The following GABRG3 variants were observed in gnomAD, a reference collection of about 807,000 sequenced individuals.
The protein encoded by GABRG3 is gamma-aminobutyric acid type A receptor subunit gamma3, also known as gamma-aminobutyric acid receptor subunit gamma-3.
GABRG3 carries 25 observed loss-of-function variants against 48.8 expected under a neutral mutation model. The ratio of observed to expected loss-of-function variants is 0.51; its 90% CI spans 0.37 to 0.72. The LOEUF is 0.72. Ranked by LOEUF, GABRG3 falls within the 30% of genes least tolerant of loss-of-function variation. GABRG3 has a pLI of 0.00. For missense variants in GABRG3, 394 were observed against 577.9 expected (o/e 0.68, Z 3.26); for synonymous variants, 227 against 217.6 (o/e 1.04, Z -0.38).
At chr15:27,511,510 G>A (rs1162400307) in intron 6 of GABRG3, among the ~76,000 whole-genome samples, 1 of 152,190 alleles carries the variant, frequency 6.6e-6, no homozygotes, top group Admixed American at 6.5e-5. Flanking sequence ...ACCTACCCCT[G>A]TAGCTTATAA....
In GABRG3 at chr15:27,265,881, G is replaced by GTTTTTTTT. The variant is rs147459440; in HGVS notation, c.271-60928_271-60927insTTTTTTTT. On this transcript the variant is annotated intron_variant, in intron 3 of 9. Coordinates refer to ENST00000615808, the MANE Select transcript of GABRG3 (RefSeq NM_033223.5). ...TGCAAGGTCAAGAAGATTTTCTCCT[G>GTTTTTTTT]GTTTTTTTTTTTTTTTGAGAGTGAC... Among the ~76,000 whole-genome samples the GTTTTTTTT allele has an allele frequency of 2.0e-4, 25 of 124,812 alleles. 7 individuals are homozygous for GTTTTTTTT. The highest frequency in any genetic ancestry group is 2.8e-4 in the Non-Finnish European group (18 of 63,978). 81.9% of individuals were successfully genotyped at this position (124,812 alleles called of 152,430 possible).
At chr15:27,413,962 A>G (rs1012540552) in intron 5 of GABRG3, among the ~76,000 whole-genome samples, 1 of 152,196 alleles carries the variant, frequency 6.6e-6, no homozygotes, top group Non-Finnish European at 1.5e-5. Flanking sequence ...TATTCTAGAA[A>G]ATTAAATTTG....
intron 5 of GABRG3, among the ~76,000 whole-genome samples, chr15:27,347,711 C>A (rs1300034404): frequency 6.6e-6 from 1 of 152,088 alleles, no homozygotes; most frequent in Non-Finnish European, 1.5e-5. Context: ...GTTGGGGGAC[C>A]CCTTGAGGTG....
intron 3 of GABRG3, among the ~76,000 whole-genome samples, chr15:27,190,852 T>G (rs2140422394): frequency 6.6e-6 from 1 of 152,336 alleles, no homozygotes; most frequent in Middle Eastern, 3.4e-3. Flanking sequence ...CTGCTTTCTC[T>G]CGTGGGCATT....
Position 27,528,043 on chromosome 15 carries a change from A to G in GABRG3, c.1122+51A>G, listed in dbSNP as rs1891324162. 8.3e-6 allele frequency: 11 copies of G among 1,322,190 alleles called. No homozygotes were observed. The East Asian group carries it at 2.4e-4, about 29-fold the overall frequency. The allele number at this position is 1,322,190 out of a possible 1,614,324, so 81.9% of individuals were successfully genotyped here. A position where few individuals can be genotyped will look rare whatever the true frequency, so the allele number is the denominator to read the frequency against. On this transcript the variant is annotated intron_variant, in intron 9 of 9. Transcript: ENST00000615808. ...TATTTCTGAGAACTTTCACTAAACT[A>G]AGATTGCATTTGAAAGATAGATTGC...
At chr15:27,452,134 A>G (rs867374576) in intron 5 of GABRG3, among the ~76,000 whole-genome samples, 4 of 152,332 alleles carry the variant, frequency 2.6e-5, no homozygotes, top group Middle Eastern at 3.4e-3. Context: ...AAAAACAGTC[A>G]ACATCACTAA....
intron 3 of GABRG3, among the ~76,000 whole-genome samples, chr15:27,264,590 T>C (rs1463042929): frequency 6.9e-6 from 1 of 144,838 alleles, no homozygotes; most frequent in Non-Finnish European, 1.5e-5. Flanking sequence ...CGTCAAAAAA[T>C]TTATAAAAAA....
At chr15:27,176,566 T>A (rs1203838681) in intron 3 of GABRG3, among the ~76,000 whole-genome samples, 1 of 152,200 alleles carries the variant, frequency 6.6e-6, no homozygotes, top group Non-Finnish European at 1.5e-5. Context: ...GATCCTGTGC[T>A]AAGAATAACA....
At chr15:27,183,122 A>G (rs963545307) in intron 3 of GABRG3, among the ~76,000 whole-genome samples, 1 of 150,400 alleles carries the variant, frequency 6.6e-6, no homozygotes, top group Non-Finnish European at 1.5e-5. Context: ...TTTTTTTTCA[A>G]TTTTTTTTTC....
chr15:27,518,746 G>A (rs1207848588), intron 6 of GABRG3, among the ~76,000 whole-genome samples: 1 of 152,152 alleles, frequency 6.6e-6, no homozygotes, highest in African/African-American at 2.4e-5. Flanking sequence ...AGAGCACAGG[G>A]CAAGGAGTGT....
At chr15:27,106,791 A>C (rs1897457380) in intron 3 of GABRG3, among the ~76,000 whole-genome samples, 1 of 152,026 alleles carries the variant, frequency 6.6e-6, no homozygotes, top group Non-Finnish European at 1.5e-5. Flanking sequence ...CACTCTGAAT[A>C]ATTTTATGCT....
chr15:27,421,694 A>G (rs1485385113), intron 5 of GABRG3, among the ~76,000 whole-genome samples: 2 of 149,498 alleles, frequency 1.3e-5, no homozygotes, highest in Non-Finnish European at 3.0e-5. Flanking sequence ...TGCATATCCA[A>G]CAATACTGAG....
Position 27,533,599 on chromosome 15 carries a change from C to T in GABRG3, c.*718C>T, listed in dbSNP as rs1330432624. The T allele has an allele frequency of 2.6e-5, 4 of 152,202 alleles. No individual in the cohort carries two copies. Among genetic ancestry groups the T allele is most frequent in the Non-Finnish European group, 4.4e-5 (3 of 68,050 alleles). The allele number at this position is 152,202 out of a possible 1,614,324, so 9.4% of individuals were successfully genotyped here. A position where few individuals can be genotyped will look rare whatever the true frequency, so the allele number is the denominator to read the frequency against. On this transcript the variant is annotated 3_prime_UTR_variant, in exon 10 of 10. Coordinates refer to ENST00000615808, the MANE Select transcript of GABRG3 (RefSeq NM_033223.5). The stretch of plus-strand genomic sequence containing the variant: ...TCAGAAGGTTATTACTTTATTCCAA[C>T]TTACTGAGAGTCAACAATATTTGAA...
chr15:27,136,059 G>A (rs999612558), intron 3 of GABRG3, among the ~76,000 whole-genome samples: 6 of 152,190 alleles, frequency 3.9e-5, no homozygotes, highest in Non-Finnish European at 2.9e-5. Flanking sequence ...ACAGCACCAC[G>A]AGGGGTGGCA....
At chr15:27,395,167 C>G (rs1328086128) in intron 5 of GABRG3, among the ~76,000 whole-genome samples, 2 of 152,138 alleles carry the variant, frequency 1.3e-5, no homozygotes, top group Non-Finnish European at 2.9e-5. Context: ...TCTGTTTCCC[C>G]AGACTGGTAA....
At chr15:27,254,886 G>C (rs942901895) in intron 3 of GABRG3, among the ~76,000 whole-genome samples, 1 of 84,656 alleles carries the variant, frequency 1.2e-5, no homozygotes, top group African/African-American at 3.9e-5. Context: ...GAGAGAGACA[G>C]ACACAGACAG....
intron 3 of GABRG3, among the ~76,000 whole-genome samples, chr15:27,316,850 T>C (rs1013260204): frequency 2.0e-5 from 3 of 152,154 alleles, no homozygotes; most frequent in African/African-American, 7.2e-5. Flanking sequence ...TCCAGTTTCA[T>C]TTCAGTTTCC....
chr15:27,282,146 T>C (rs913810668), intron 3 of GABRG3, among the ~76,000 whole-genome samples: 1 of 152,212 alleles, frequency 6.6e-6, no homozygotes, highest in African/African-American at 2.4e-5. Context: ...GCTTTCAATA[T>C]TCTCCCTTGG....
intron 6 of GABRG3, among the ~76,000 whole-genome samples, chr15:27,491,360 C>T (rs574783650): frequency 2.0e-5 from 3 of 152,346 alleles, no homozygotes; most frequent in South Asian, 2.1e-4. Context: ...TCCAGCCAAG[C>T]ACCTCCCAGC....
Sources: gnomAD v4.1 joint callset for allele counts (sites outside exome capture counted in the v4.1 genomes callset) on GRCh38, gnomAD v4.1.1 for gene constraint, MANE v1.5 for transcripts, NCBI Gene and HGNC (gene_info 2026-07-23, HGNC 2026-07-21) for gene names.